The following CELF4 variants were observed in gnomAD, a reference collection of about 807,000 sequenced individuals.
The protein encoded by CELF4 is CUG-BP- and ETR-3-like factor 4.
CELF4 carries 18 observed loss-of-function variants against 59.9 expected under a neutral mutation model. The ratio of observed to expected loss-of-function variants is 0.30; its 90% CI spans 0.21 to 0.45. CELF4 has a LOEUF of 0.45. Among genes scored for constraint, CELF4 ranks in the 20% least tolerant of loss-of-function variants. The pLI, the probability that CELF4 is intolerant of heterozygous loss-of-function variation, is 1.00. For synonymous variants in CELF4, 261 were observed against 267.1 expected, an observed-to-expected ratio of 0.98 and a Z score of 0.22; for missense variants, 456 against 689.0, an observed-to-expected ratio of 0.66 and a Z score of 3.79.
intron 1 of CELF4, among the ~76,000 whole-genome samples, chr18:37,508,839 G>A (rs1360035689): frequency 6.6e-6 from 1 of 152,234 alleles, no homozygotes; most frequent in Non-Finnish European, 1.5e-5. Context: ...CAGTTTAACT[G>A]TGCACGTGCT....
intron 2 of CELF4, among the ~76,000 whole-genome samples, chr18:37,453,030 C>T (rs1451255424): frequency 6.6e-6 from 1 of 152,232 alleles, no homozygotes; most frequent in Non-Finnish European, 1.5e-5. Context: ...GAGGCACCAC[C>T]CCCAGCTGCC....
intron 2 of CELF4, among the ~76,000 whole-genome samples, chr18:37,439,419 G>T (rs1372405149): frequency 1.3e-5 from 2 of 152,106 alleles, no homozygotes; most frequent in South Asian, 4.2e-4. Flanking sequence ...ATGCATGCAT[G>T]TGTGTGTGTG....
chr18:37,285,072 G>T (rs2094596147), intron 3 of CELF4, among the ~76,000 whole-genome samples: 1 of 152,186 alleles, frequency 6.6e-6, no homozygotes. Flanking sequence ...GAGAGCTAGG[G>T]CTTTGGTTGA....
At chr18:37,498,864 G>T (rs1036389937) in intron 1 of CELF4, among the ~76,000 whole-genome samples, 2 of 152,150 alleles carry the variant, frequency 1.3e-5, no homozygotes, top group African/African-American at 4.8e-5. Flanking sequence ...GTCTCTTCCA[G>T]AATCTGTGAA....
In CELF4 at chr18:37,485,507, A is replaced by G. The variant is rs1248619553; in HGVS notation, c.369+18T>C. The G allele has an allele frequency of 3.1e-6, 4 of 1,307,934 alleles. No individual in the cohort carries two copies. In the Admixed American group the frequency reaches 1.2e-4, roughly 38 times the overall value. The allele number at this position is 1,307,934 out of a possible 1,614,324, so 81.0% of individuals were successfully genotyped here. A position where few individuals can be genotyped will look rare whatever the true frequency, so the allele number is the denominator to read the frequency against. On this transcript the variant is annotated intron_variant, in intron 2 of 12. Transcript: ENST00000420428. ...TGTCGGCGCGTCGGCCGCTTGCGCC[A>G]CGGCGGGCGCCACTTACCCCGGGCA... is the stretch of plus-strand genomic sequence containing the variant.
At chr18:37,300,183 C>A (rs969673447) in intron 3 of CELF4, among the ~76,000 whole-genome samples, 1 of 151,850 alleles carries the variant, frequency 6.6e-6, no homozygotes, top group African/African-American at 2.4e-5. Context: ...CACCACACTC[C>A]CTTGTGCCTG....
At position 37,254,996 on chromosome 18, in the gene CELF4, C is replaced by T. The variant is rs527809297; in HGVS notation, c.1334-1058G>A. Among the ~76,000 whole-genome samples the T allele has an allele frequency of 3.9e-5, 6 of 152,182 alleles. No homozygotes were observed. Among genetic ancestry groups the T allele is most frequent in the Non-Finnish European group, 8.8e-5 (6 of 68,044 alleles). On this transcript the variant is annotated intron_variant, in intron 11 of 12. Coordinates refer to ENST00000420428, the MANE Select transcript of CELF4 (RefSeq NM_020180.4). The surrounding 1 kb of genome is among the most constrained non-coding windows in gnomAD (Gnocchi z 5.1). ...TGCAGCATATCAACAAATAACGTCC[C>T]CTCCCTCACCGAGTTGTAGTAAATG... is the stretch of plus-strand genomic sequence containing the variant.
intron 2 of CELF4, among the ~76,000 whole-genome samples, chr18:37,451,239 G>A (rs1281098553): frequency 1.3e-5 from 2 of 152,208 alleles, no homozygotes; most frequent in African/African-American, 2.4e-5. Flanking sequence ...CAGGCCCATT[G>A]TGGGCCAGGA....
chr18:37,379,958 C>T (rs1479093912), intron 2 of CELF4, among the ~76,000 whole-genome samples: 6 of 152,202 alleles, frequency 3.9e-5, no homozygotes, highest in South Asian at 4.1e-4. Flanking sequence ...TAGACCCACC[C>T]TTCCACTCAG....
Position 37,272,704 on chromosome 18 carries a change from A to C in CELF4, c.949+312T>G, listed in dbSNP as rs2091894276. The stretch of plus-strand genomic sequence containing the variant: ...CACCACAGGGAGATGTCTTCATGTC[A>C]ATTTCTTTCCAGGTCTCTTGTTGGT... On this transcript the variant is annotated intron_variant, in intron 7 of 12. Coordinates refer to ENST00000420428, the MANE Select transcript of CELF4 (RefSeq NM_020180.4). Among the ~76,000 whole-genome samples the C allele has an allele frequency of 2.0e-5, 3 of 152,060 alleles. No homozygotes were observed. In the South Asian group the frequency reaches 6.2e-4, roughly 31 times the overall value.
intron 2 of CELF4, among the ~76,000 whole-genome samples, chr18:37,425,158 C>T (rs74668194): frequency 0.023 from 3,568 of 152,328 alleles, 153 homozygotes; most frequent in African/African-American, 0.08. Context: ...TCTGGGTTTC[C>T]TGTTCTGCCA....
In CELF4 at chr18:37,318,637, C is replaced by G. The variant is rs976907383; in HGVS notation, c.448+3166G>C. On this transcript the variant is annotated intron_variant, in intron 3 of 12. Coordinates refer to ENST00000420428, the MANE Select transcript of CELF4 (RefSeq NM_020180.4). The stretch of plus-strand genomic sequence containing the variant: ...TTTGGCTTTCCCTACACCTCCCCCC[C>G]CCCCCACTTTCTACTGCAAGAAGAA... Among the ~76,000 whole-genome samples the G allele has an allele frequency of 2.3e-4, 33 of 145,734 alleles. 2 individuals are homozygous for G. In the East Asian group the frequency reaches 4.6e-3, roughly 20 times the overall value.
chr18:37,420,715 C>CA (rs1451474186), intron 2 of CELF4, among the ~76,000 whole-genome samples: 5 of 152,202 alleles, frequency 3.3e-5, no homozygotes, highest in African/African-American at 1.2e-4. Context: ...TGCTTCACCA[C>CA]AAAGGTGGAG....
chr18:37,520,617 C>T (rs2099956247), intron 1 of CELF4, among the ~76,000 whole-genome samples: 1 of 152,078 alleles, frequency 6.6e-6, no homozygotes, highest in African/African-American at 2.4e-5. Flanking sequence ...GCCTAGAAGC[C>T]ACTGGTGCTG....
chr18:37,474,509 T>C (rs1409560994), intron 2 of CELF4, among the ~76,000 whole-genome samples: 2 of 152,218 alleles, frequency 1.3e-5, no homozygotes, highest in Non-Finnish European at 2.9e-5. Context: ...GTTAGTGCCC[T>C]AGGATGAGGA....
At chr18:37,395,335 C>T (rs890437215) in intron 2 of CELF4, among the ~76,000 whole-genome samples, 4 of 152,132 alleles carry the variant, frequency 2.6e-5, no homozygotes, top group South Asian at 2.1e-4. Context: ...GCTCCCACGG[C>T]GGGCTGGGCT....
intron 2 of CELF4, among the ~76,000 whole-genome samples, chr18:37,436,299 C>T (rs2099692289): frequency 6.6e-6 from 1 of 152,188 alleles, no homozygotes; most frequent in Non-Finnish European, 1.5e-5. Flanking sequence ...TCAAATGCTC[C>T]CTCATTCAGA....
rs1224551268 is a variant in CELF4 at position 37,389,984 on chromosome 18, G to T, written c.370-68103C>A. Among the ~76,000 whole-genome samples the T allele has an allele frequency of 5.3e-5, 8 of 152,184 alleles. No individual in the cohort carries two copies. The East Asian group carries it at 1.5e-3, about 29-fold the overall frequency. On this transcript the variant is annotated intron_variant, in intron 2 of 12. Transcript: ENST00000420428. ...GGATGGGCCCATGGAATATTCTGGGGCTCCAGGCTTGCTTCTGTGCAGGGT... is the reference window on the plus strand; with the variant it reads ...GGATGGGCCCATGGAATATTCTGGGTCTCCAGGCTTGCTTCTGTGCAGGGT...
intron 3 of CELF4, among the ~76,000 whole-genome samples, chr18:37,277,572 G>C (rs1401957399): frequency 6.6e-6 from 1 of 152,134 alleles, no homozygotes; most frequent in Non-Finnish European, 1.5e-5. Flanking sequence ...ACAGACAAGA[G>C]AATCAGAGGC....
Sources: allele counts gnomAD v4.1 joint callset (sites outside exome capture counted in the v4.1 genomes callset), GRCh38; gene constraint gnomAD v4.1.1; non-coding constraint Gnocchi (gnomAD v3.1); transcripts MANE v1.5; gene names NCBI Gene and HGNC (gene_info 2026-07-23, HGNC 2026-07-21).